Variants in UNC13C observed in about 807,000 individuals in gnomAD.
UNC13C encodes protein unc-13 homolog C.
In UNC13C, 174 loss-of-function variants were observed where a neutral mutation model predicts 245.4. The ratio of observed to expected loss-of-function variants is 0.71; its 90% confidence interval spans 0.63 to 0.80. The LOEUF is 0.80. Among genes scored for constraint, UNC13C ranks in the 30% least tolerant of loss-of-function variants. The pLI is 0.00. For missense variants in UNC13C, 2,829 were observed against 2,602.9 expected (o/e 1.09, Z -1.89); for synonymous variants, 992 against 895.1 (o/e 1.11, Z -1.93).
rs2038507541 is a variant in UNC13C, at chr15:54,333,947, G to C, written c.4584+91G>C. On this transcript the variant is annotated intron_variant, in intron 16 of 32. Transcript: ENST00000260323. ...CTTGCTTTACCCTCCTCTTGATCAA[G>C]TACTGTGTTAACTCCATCGATTAAG... 13 of 898,558 alleles carry C rather than the reference G, an allele frequency of 1.4e-5. No individual in the cohort carries two copies. In the East Asian group the frequency reaches 3.2e-4, roughly 22 times the overall value. 55.7% of individuals were successfully genotyped at this position (898,558 alleles called of 1,614,324 possible).
At chr15:54,251,210 G>C (rs1237426231) in intron 8 of UNC13C, among the ~76,000 whole-genome samples, 1 of 152,144 alleles carries the variant, frequency 6.6e-6, no homozygotes, top group Non-Finnish European at 1.5e-5. Flanking sequence ...TGCCTGGCAG[G>C]ATCCATGTCC....
chr15:54,238,826 G>A (rs2035776251), intron 7 of UNC13C, among the ~76,000 whole-genome samples: 1 of 152,136 alleles, frequency 6.6e-6, no homozygotes. Flanking sequence ...GATACAAGTA[G>A]GCTGTAATTA....
chr15:54,177,630 G>A (rs2033660317), intron 4 of UNC13C, among the ~76,000 whole-genome samples: 1 of 152,080 alleles, frequency 6.6e-6, no homozygotes, highest in African/African-American at 2.4e-5. Context: ...CTGTGAGTCT[G>A]TTTCCTGATA....
chr15:54,511,916 AAGTT>A, intron 24 of UNC13C, 86 bp downstream of exon 24: 1 of 888,712 alleles, frequency 1.1e-6, no homozygotes. Flanking sequence ...TGTCTTAATC[AAGTT>A]TTTACATGGT....
At chr15:54,360,885 A>G (rs901955449) in intron 17 of UNC13C, among the ~76,000 whole-genome samples, 14 of 152,064 alleles carry the variant, frequency 9.2e-5, no homozygotes, top group Admixed American at 3.3e-4. Flanking sequence ...TGCTGTTTTA[A>G]GTATTCTTTA....
intron 17 of UNC13C, among the ~76,000 whole-genome samples, chr15:54,350,786 T>C (rs933066688): frequency 6.6e-6 from 1 of 152,194 alleles, no homozygotes; most frequent in Non-Finnish European, 1.5e-5. Context: ...ATAATCAATA[T>C]TGTGTCATGT....
At chr15:54,486,250 AACACACACACAC>A (rs59221050) in intron 19 of UNC13C, among the ~76,000 whole-genome samples, 2,011 of 132,044 alleles carry the variant, frequency 0.015, 18 homozygotes, top group African/African-American at 0.027. Context: ...GATCTATTAA[AACACACACACAC>A]ACACACACAC....
chr15:54,301,614 G>A (rs1424743914), intron 13 of UNC13C, among the ~76,000 whole-genome samples: 1 of 152,112 alleles, frequency 6.6e-6, no homozygotes, highest in Admixed American at 6.6e-5. Context: ...CAAAGGACAT[G>A]AACTCATCCT....
At chr15:54,185,814 C>T (rs28765392) in intron 4 of UNC13C, among the ~76,000 whole-genome samples, 17,954 of 145,630 alleles carry the variant, frequency 0.12, 2,235 homozygotes, top group African/African-American at 0.31. Context: ...AAGAAAGTCA[C>T]TGGTAGCTTG....
At chr15:54,545,022 G>A (rs1896422649) in intron 26 of UNC13C, among the ~76,000 whole-genome samples, 2 of 152,126 alleles carry the variant, frequency 1.3e-5, no homozygotes, top group Admixed American at 6.6e-5. Flanking sequence ...ACAGCTGGAG[G>A]CATCATGCTA....
In UNC13C at chr15:54,195,005, G is replaced by A. The variant is rs777508359; in HGVS notation, c.3072-40025G>A. 3.3e-5 allele frequency among the ~76,000 whole-genome samples: 5 copies of A among 152,100 alleles called. 1 individual carries two copies. Among genetic ancestry groups the A allele is most frequent in the Admixed American group, 1.3e-4 (2 of 15,262 alleles). ...TTCTCAAAAATTACATTTACCTCCT[G>A]GCATTCCACGAATAGAATATTGAGT... On this transcript the variant is annotated intron_variant, in intron 4 of 32. Coordinates refer to ENST00000260323, the MANE Select transcript of UNC13C (RefSeq NM_001080534.3).
chr15:54,409,593 G>A (rs1191503079), intron 18 of UNC13C, among the ~76,000 whole-genome samples: 28 of 152,084 alleles, frequency 1.8e-4, no homozygotes, highest in Admixed American at 1.7e-3. Flanking sequence ...ATATGCACTC[G>A]ATATTTAGCT....
chr15:54,030,007 C>A (rs1369001698), intron 2 of UNC13C, among the ~76,000 whole-genome samples: 3 of 152,208 alleles, frequency 2.0e-5, no homozygotes, highest in Non-Finnish European at 4.4e-5. Context: ...GAGGGCAATT[C>A]AGGGCAGCAC....
intron 10 of UNC13C, among the ~76,000 whole-genome samples, chr15:54,266,582 A>G (rs949717213): frequency 6.6e-6 from 1 of 152,034 alleles, no homozygotes; most frequent in Non-Finnish European, 1.5e-5. Context: ...TCATGTAGAC[A>G]AGATGCAGCT....
chr15:54,073,037 C>T (rs967488488), intron 2 of UNC13C, among the ~76,000 whole-genome samples: 5 of 152,022 alleles, frequency 3.3e-5, no homozygotes, highest in African/African-American at 9.7e-5. Flanking sequence ...CCCTAGCCCT[C>T]CACCCCCCGA....
intron 2 of UNC13C, among the ~76,000 whole-genome samples, chr15:54,047,498 T>A (rs1250858998): frequency 6.6e-6 from 1 of 152,128 alleles, no homozygotes; most frequent in African/African-American, 2.4e-5. Flanking sequence ...ATATAAGTGG[T>A]ATCATAATTG....
intron 4 of UNC13C, among the ~76,000 whole-genome samples, chr15:54,182,444 T>C (rs1431337093): frequency 6.6e-6 from 1 of 152,118 alleles, no homozygotes; most frequent in Non-Finnish European, 1.5e-5. Context: ...GTTAGTATTT[T>C]GTTGAGGGAT....
At chr15:54,047,259 A>G (rs1385676158) in intron 2 of UNC13C, among the ~76,000 whole-genome samples, 2 of 152,002 alleles carry the variant, frequency 1.3e-5, no homozygotes, top group African/African-American at 2.4e-5. Flanking sequence ...ATGATAAAAT[A>G]TACATAACAA....
chr15:53,930,580 A>C, the UNC13C span, among the ~76,000 whole-genome samples: 3 of 152,122 alleles, frequency 2.0e-5, no homozygotes, highest in Admixed American at 1.3e-4. Flanking sequence ...TAAATACACA[A>C]ACACTGGTAC....
Sources: allele counts gnomAD v4.1 joint callset (sites outside exome capture counted in the v4.1 genomes callset), GRCh38; gene constraint gnomAD v4.1.1; transcripts MANE v1.5; gene names NCBI Gene and HGNC (gene_info 2026-07-23, HGNC 2026-07-21).